MAGI1: variants seen among roughly 807,000 people sequenced by gnomAD.
MAGI1 encodes the protein membrane-associated guanylate kinase, WW and PDZ domain-containing protein 1.
Under a neutral mutation model 139.9 loss-of-function variants are expected in MAGI1, and 58 were observed. The observed-to-expected ratio is 0.41, with a 90% CI of 0.34 to 0.52. MAGI1 has a LOEUF of 0.52. Ranked by LOEUF, MAGI1 falls within the 20% of genes least tolerant of loss-of-function variation. The pLI is 0.12. For missense variants in MAGI1, 1,874 were observed against 1,901.6 expected (o/e 0.99, Z 0.27); for synonymous variants, 812 against 737.9 (o/e 1.10, Z -1.63).
intron 1 of MAGI1, among the ~76,000 whole-genome samples, chr3:65,783,140 T>C (rs565321366): frequency 2.0e-5 from 3 of 151,550 alleles, no homozygotes; most frequent in Non-Finnish European, 4.4e-5. Flanking sequence ...CTAATAAGTG[T>C]CCAGTGTGCA....
At chr3:65,843,224 A>T (rs1220193039) in intron 1 of MAGI1, among the ~76,000 whole-genome samples, 1 of 152,186 alleles carries the variant, frequency 6.6e-6, no homozygotes, top group Non-Finnish European at 1.5e-5. Context: ...CCTTTTTCCT[A>T]GAAGGATCCA....
intron 12 of MAGI1, among the ~76,000 whole-genome samples, chr3:65,422,696 G>C (rs1303648247): frequency 1.3e-5 from 2 of 152,114 alleles, no homozygotes; most frequent in African/African-American, 4.8e-5. Flanking sequence ...CACGAGAACA[G>C]ACAGTGATCG....
chr3:65,637,758 G>A (rs974913149), intron 1 of MAGI1, among the ~76,000 whole-genome samples: 16 of 152,172 alleles, frequency 1.1e-4, no homozygotes, highest in Admixed American at 3.3e-4. Context: ...ACACAGGTAC[G>A]AAAGGCTTTC....
chr3:65,494,766 T>C (rs1469433574), intron 2 of MAGI1, among the ~76,000 whole-genome samples: 1 of 152,258 alleles, frequency 6.6e-6, no homozygotes, highest in African/African-American at 2.4e-5. Flanking sequence ...TCTCTGATCA[T>C]CTGCCCATGT....
At chr3:65,901,038 G>A (rs1248817654) in intron 1 of MAGI1, among the ~76,000 whole-genome samples, 1 of 152,116 alleles carries the variant, frequency 6.6e-6, no homozygotes, top group African/African-American at 2.4e-5. Flanking sequence ...TTAGTCCCGG[G>A]GTGTTTCCAA....
chr3:65,844,380 A>G (rs17073944), intron 1 of MAGI1: 9,307 of 340,702 alleles, frequency 0.027, 765 homozygotes, highest in African/African-American at 0.18. Context: ...CAGAACAGAA[A>G]GTTACTCAGA....
At chr3:66,024,156 G>A (rs1256002455) in intron 1 of MAGI1, among the ~76,000 whole-genome samples, 3 of 151,730 alleles carry the variant, frequency 2.0e-5, no homozygotes, top group Admixed American at 1.3e-4. Flanking sequence ...GAGAGATGAA[G>A]TATGAGAGAA....
At chr3:65,439,780 C>G in intron 9 of MAGI1, 99 bp downstream of exon 9, 1 of 1,579,848 alleles carries the variant, frequency 6.3e-7, no homozygotes, top group Non-Finnish European at 8.6e-7. Flanking sequence ...AGAGAGGACT[C>G]AATCATCGAG....
At chr3:65,549,668 C>T (rs549152149) in intron 2 of MAGI1, among the ~76,000 whole-genome samples, 3 of 152,188 alleles carry the variant, frequency 2.0e-5, no homozygotes, top group East Asian at 3.9e-4. Flanking sequence ...ACTGCCTGCC[C>T]GCCCCCATCC....
intron 1 of MAGI1, among the ~76,000 whole-genome samples, chr3:65,648,322 T>C (rs1330856784): frequency 7.3e-6 from 1 of 136,924 alleles, no homozygotes; most frequent in Admixed American, 7.0e-5. Context: ...TGTGTGCGCG[T>C]GCGCGTGCAC....
intron 18 of MAGI1, among the ~76,000 whole-genome samples, chr3:65,372,649 T>C (rs1183316348): frequency 6.6e-6 from 1 of 152,234 alleles, no homozygotes; most frequent in Non-Finnish European, 1.5e-5. Flanking sequence ...AAGACTGTTT[T>C]GTCTACACTG....
intron 1 of MAGI1, among the ~76,000 whole-genome samples, chr3:65,639,856 G>C (rs2084886745): frequency 6.6e-6 from 1 of 151,966 alleles, no homozygotes; most frequent in Non-Finnish European, 1.5e-5. Flanking sequence ...TACAAAATTA[G>C]CCAGGCGTGG....
intron 1 of MAGI1, among the ~76,000 whole-genome samples, chr3:65,936,556 C>A (rs1358557641): frequency 1.3e-5 from 2 of 150,944 alleles, no homozygotes; most frequent in African/African-American, 4.9e-5. Context: ...GATCACACCA[C>A]TGCACTCCAG....
chr3:65,501,453 C>CAAAAAAAAAA lies in MAGI1; in HGVS notation c.431-7832_431-7823dup, dbSNP rs35967662. The stretch of plus-strand genomic sequence containing the variant: ...TGGGCAACATAGCGAGACTCTGTCT[C>CAAAAAAAAAA]AAAAAAAAAAAAAAAAAAAAAATTT... On this transcript the variant is annotated intron_variant, in intron 2 of 22. Coordinates refer to ENST00000402939, the MANE Select transcript of MAGI1 (RefSeq NM_001033057.2). Among the ~76,000 whole-genome samples the CAAAAAAAAAA allele has an allele frequency of 3.3e-4, 27 of 80,628 alleles. 1 individual carries two copies. The highest frequency in any genetic ancestry group is 5.6e-4 in the South Asian group (1 of 1,774). 52.9% of individuals were successfully genotyped at this position (80,628 alleles called of 152,430 possible).
At chr3:65,445,876 T>G (rs1948646004) in intron 7 of MAGI1, among the ~76,000 whole-genome samples, 1 of 152,192 alleles carries the variant, frequency 6.6e-6, no homozygotes, top group African/African-American at 2.4e-5. Flanking sequence ...ACATCTGGAA[T>G]TACATTGTTC....
intron 3 of MAGI1, among the ~76,000 whole-genome samples, chr3:65,489,954 G>A (rs1951887394): frequency 6.6e-6 from 1 of 152,124 alleles, no homozygotes; most frequent in African/African-American, 2.4e-5. Flanking sequence ...TGTTGTGGTA[G>A]ACTTTTCCTC....
At chr3:65,792,472 T>C (rs1302704915) in intron 1 of MAGI1, among the ~76,000 whole-genome samples, 3 of 151,404 alleles carry the variant, frequency 2.0e-5, no homozygotes, top group Non-Finnish European at 4.4e-5. Flanking sequence ...ATGATAATAA[T>C]AGTAGTTACT....
chr3:65,896,181 T>C (rs987725198), intron 1 of MAGI1, among the ~76,000 whole-genome samples: 3 of 152,080 alleles, frequency 2.0e-5, no homozygotes, highest in African/African-American at 7.2e-5. Flanking sequence ...TCACTTTAAA[T>C]TCAGGCATAA....
At chr3:65,693,396 C>A (rs2088852194) in intron 1 of MAGI1, among the ~76,000 whole-genome samples, 1 of 152,150 alleles carries the variant, frequency 6.6e-6, no homozygotes, top group Non-Finnish European at 1.5e-5. Flanking sequence ...GGACTTGGAC[C>A]CTTGTCCACA....
Sources: allele counts gnomAD v4.1 joint callset (sites outside exome capture counted in the v4.1 genomes callset), GRCh38; gene constraint gnomAD v4.1.1; transcripts MANE v1.5; gene names NCBI Gene and HGNC (gene_info 2026-07-23, HGNC 2026-07-21).